The following ADGRB3 variants were observed in gnomAD, a reference collection of about 807,000 sequenced individuals.
ADGRB3 encodes the protein brain-specific angiogenesis inhibitor 3.
In ADGRB3, 37 loss-of-function variants were observed where a neutral mutation model predicts 193.4. That is an observed-to-expected ratio of 0.19 (90% CI 0.15 to 0.25). The LOEUF is 0.25. ADGRB3 is among the 10% of genes least tolerant of loss of function. ADGRB3 has a pLI of 1.00. For synonymous variants in ADGRB3, 690 were observed against 644.2 expected (o/e 1.07, Z -1.08); for missense variants, 1,637 against 1,852.9 (o/e 0.88, Z 2.14).
chr6:68,892,513 TTTA>T (rs2150229659), intron 3 of ADGRB3, among the ~76,000 whole-genome samples: 1 of 152,298 alleles, frequency 6.6e-6, no homozygotes, highest in South Asian at 2.1e-4. Context: ...CAACACTCAA[TTTA>T]TTTCCTTTAT....
intron 30 of ADGRB3, among the ~76,000 whole-genome samples, chr6:69,374,185 T>C (rs969801004): frequency 2.0e-5 from 3 of 152,100 alleles, no homozygotes; most frequent in African/African-American, 7.2e-5. Context: ...TTACTTTTAC[T>C]CTACAAATTG....
At chr6:69,013,153 T>G (rs3799007) in intron 11 of ADGRB3, among the ~76,000 whole-genome samples, 1 of 151,986 alleles carries the variant, frequency 6.6e-6, no homozygotes, top group Non-Finnish European at 1.5e-5. Context: ...CACAGTGTAG[T>G]GTGAAGGGAA....
At position 68,943,924 on chromosome 6, in the gene ADGRB3, T is replaced by A; in HGVS notation, c.1125T>A (p.Pro375=). 6.2e-7 allele frequency: 1 copy of A among 1,614,008 alleles called. No homozygotes were observed. The highest frequency in any genetic ancestry group is 1.1e-5 in the South Asian group (1 of 91,080). ...CAAGAACAAGGTCATGCACACCTCC[T>A]CAGTATGGAGGAAGGCCGTGTGAAG... ...QRTRTRSCTP[P]QYGGRPCEGP... The change falls in exon 6 of 32, where the codon CCT becomes CCA. Residue 375 remains proline (P), a synonymous_variant. Transcript: ENST00000370598.
intron 6 of ADGRB3, among the ~76,000 whole-genome samples, chr6:68,951,806 G>A (rs1435658041): frequency 2.0e-5 from 3 of 152,044 alleles, no homozygotes; most frequent in Non-Finnish European, 4.4e-5. Flanking sequence ...CATACACAAG[G>A]AGCAGGCATT....
chr6:69,187,276 A>G (rs1191834013), intron 17 of ADGRB3, among the ~76,000 whole-genome samples: 1 of 152,208 alleles, frequency 6.6e-6, no homozygotes, highest in Non-Finnish European at 1.5e-5. Context: ...GAAAAATAAC[A>G]TATTTCCCTA....
At chr6:68,836,038 C>A (rs1210766546) in intron 3 of ADGRB3, among the ~76,000 whole-genome samples, 2 of 152,130 alleles carry the variant, frequency 1.3e-5, no homozygotes, top group Non-Finnish European at 2.9e-5. Flanking sequence ...TTCTAACACT[C>A]TGCATATCAC....
chr6:69,305,044 A>T (rs945756002), intron 20 of ADGRB3, among the ~76,000 whole-genome samples: 1 of 151,502 alleles, frequency 6.6e-6, no homozygotes, highest in African/African-American at 2.4e-5. Flanking sequence ...ATGTTACTCT[A>T]TTTGAGCCTC....
intron 17 of ADGRB3, among the ~76,000 whole-genome samples, chr6:69,131,358 G>C (rs1052478980): frequency 6.6e-6 from 1 of 151,982 alleles, no homozygotes; most frequent in African/African-American, 2.4e-5. Context: ...ATTTCAATGA[G>C]TACAGTTTCT....
chr6:68,897,017 A>T (rs868196484), intron 3 of ADGRB3, among the ~76,000 whole-genome samples: 1 of 152,120 alleles, frequency 6.6e-6, no homozygotes, highest in East Asian at 1.9e-4. Flanking sequence ...TTAGACTTCA[A>T]TCTCAGTCCT....
intron 16 of ADGRB3, among the ~76,000 whole-genome samples, chr6:69,069,920 A>G (rs758033110): frequency 9.9e-5 from 15 of 151,734 alleles, no homozygotes; most frequent in Admixed American, 2.0e-4. Context: ...ACTTAGCAAA[A>G]TCCAGGTCAT....
chr6:69,184,342 A>C (rs993277546), intron 17 of ADGRB3, among the ~76,000 whole-genome samples: 1 of 152,106 alleles, frequency 6.6e-6, no homozygotes, highest in African/African-American at 2.4e-5. Flanking sequence ...ACTTGAGAAA[A>C]CATGCAAGTG....
At chr6:68,668,169 C>T (rs1282789337) in intron 3 of ADGRB3, among the ~76,000 whole-genome samples, 1 of 151,988 alleles carries the variant, frequency 6.6e-6, no homozygotes, top group Non-Finnish European at 1.5e-5. Context: ...AAACTGAAGC[C>T]TCATGCTAAA....
At chr6:68,936,806 AT>A (rs1767497007) in intron 5 of ADGRB3, 126 bp downstream of exon 5, 2 of 1,030,426 alleles carry the variant, frequency 1.9e-6, no homozygotes, top group Admixed American at 3.2e-5. Flanking sequence ...AAGTGTAATT[AT>A]TATTCAACTG....
chr6:69,055,363 C>T (rs890235056), intron 15 of ADGRB3, among the ~76,000 whole-genome samples: 1 of 152,168 alleles, frequency 6.6e-6, no homozygotes, highest in Non-Finnish European at 1.5e-5. Context: ...TTAAATACCT[C>T]ATGTAAGTGG....
At chr6:68,886,237 G>A (rs575219107) in intron 3 of ADGRB3, among the ~76,000 whole-genome samples, 6 of 152,128 alleles carry the variant, frequency 3.9e-5, no homozygotes, top group African/African-American at 1.4e-4. Context: ...TTACCTTGCT[G>A]GACATTATTT....
chr6:68,931,337 T>C (rs1264672934), intron 4 of ADGRB3, among the ~76,000 whole-genome samples: 2 of 152,056 alleles, frequency 1.3e-5, no homozygotes, highest in Non-Finnish European at 2.9e-5. Context: ...ATTTGGAGTA[T>C]GTATAATTTA....
chr6:68,848,499 G>T (rs472367), intron 3 of ADGRB3, among the ~76,000 whole-genome samples: 2 of 151,780 alleles, frequency 1.3e-5, no homozygotes, highest in Admixed American at 6.6e-5. Context: ...CATACAAAAA[G>T]CAAGTGGCTA....
At chr6:68,782,124 C>T in intron 3 of ADGRB3, among the ~76,000 whole-genome samples, 1 of 107,360 alleles carries the variant, frequency 9.3e-6, no homozygotes, top group African/African-American at 3.6e-5. Context: ...CTCCCCCCTC[C>T]CCCCACCCCA....
chr6:69,219,461 G>GTATA (rs3839475), intron 17 of ADGRB3, among the ~76,000 whole-genome samples: 8,146 of 98,216 alleles, frequency 0.083, 717 homozygotes, highest in East Asian at 0.15. Context: ...ACACACACAC[G>GTATA]TATATATATA....
Sources: allele counts gnomAD v4.1 joint callset (sites outside exome capture counted in the v4.1 genomes callset), GRCh38; gene constraint gnomAD v4.1.1; transcripts MANE v1.5; gene names NCBI Gene and HGNC (gene_info 2026-07-23, HGNC 2026-07-21).